The following OR1D2 variants were observed in gnomAD, a reference collection of about 807,000 sequenced individuals.
OR1D2 encodes the protein olfactory receptor 1D2.
For missense variants in OR1D2, 357 were observed against 376.1 expected, an observed-to-expected ratio of 0.95 and a Z score of 0.42; for synonymous variants, 157 against 153.9, an observed-to-expected ratio of 1.02 and a Z score of -0.15.
rs763258056 is a variant in OR1D2, at chr17:3,092,792, T to C, written c.205A>G (p.Thr69Ala). The change falls in exon 2 of 2, where the codon ACT becomes GCT. Residue 69 changes from threonine (T) to alanine (A), a missense_variant. Coordinates refer to ENST00000641833, the MANE Select transcript of OR1D2 (RefSeq NM_002548.3). ...GTGTTGGTGACAAAGAAGAGGTCAG[T>C]GAAGGAGAGGTTGGCCAGGAAGAAG... ...VYFFLANLSF[T>A]DLFFVTNTIP... 1 of 1,613,812 alleles carries C rather than the reference T, an allele frequency of 6.2e-7. No homozygotes were observed. Among genetic ancestry groups the C allele is most frequent in the Admixed American group, 1.7e-5 (1 of 59,984 alleles).
At position 3,091,291 on chromosome 17, in the gene OR1D2, A is replaced by G. The variant is rs1329634707; in HGVS notation, c.*767T>C. On this transcript the variant is annotated 3_prime_UTR_variant, in exon 2 of 2. Coordinates refer to ENST00000641833, the MANE Select transcript of OR1D2 (RefSeq NM_002548.3). ...TCTTTTACCTGATGTCATTGCAGCAATATTTCACTTAAAATATTTAGTATT... is the reference window on the plus strand; with the variant it reads ...TCTTTTACCTGATGTCATTGCAGCAGTATTTCACTTAAAATATTTAGTATT... 1 of 152,204 alleles carries G rather than the reference A, an allele frequency of 6.6e-6. No homozygotes were observed. Among genetic ancestry groups the G allele is most frequent in the Non-Finnish European group, 1.5e-5 (1 of 68,036 alleles). 9.4% of individuals were successfully genotyped at this position (152,204 alleles called of 1,614,324 possible).
chr17:3,097,745 T>C (rs147494488), intron 1 of OR1D2, among the ~76,000 whole-genome samples: 1 of 152,270 alleles, frequency 6.6e-6, no homozygotes, highest in African/African-American at 2.4e-5. Flanking sequence ...GCACCCAACA[T>C]TGGGACTGAT....
At chr17:3,099,802 A>G (rs1018301084) in intron 1 of OR1D2, among the ~76,000 whole-genome samples, 4 of 152,204 alleles carry the variant, frequency 2.6e-5, no homozygotes, top group African/African-American at 9.7e-5. Context: ...AGACACACAT[A>G]GGCTCAAAAT....
intron 1 of OR1D2, among the ~76,000 whole-genome samples, chr17:3,101,399 TA>T (rs2047874361): frequency 6.6e-6 from 1 of 150,832 alleles, no homozygotes; most frequent in Non-Finnish European, 1.5e-5. Context: ...ATCCATTACA[TA>T]AAGAAAACCA....
At chr17:3,103,317 G>A (rs899406001) in intron 1 of OR1D2, among the ~76,000 whole-genome samples, 2 of 151,746 alleles carry the variant, frequency 1.3e-5, no homozygotes, top group Non-Finnish European at 2.9e-5. Context: ...CTCGGCTCAC[G>A]GCAATCTCCA....
At chr17:3,098,583 C>T (rs1489110892) in intron 1 of OR1D2, among the ~76,000 whole-genome samples, 2 of 152,144 alleles carry the variant, frequency 1.3e-5, no homozygotes, top group Non-Finnish European at 2.9e-5. Flanking sequence ...ACAACAACAA[C>T]AAATGCTGAA....
chr17:3,092,238 C>G lies in OR1D2; in HGVS notation c.759G>C (p.Gly253=), dbSNP rs763867615. 1.9e-6 allele frequency: 3 copies of G among 1,614,118 alleles called. No homozygotes were observed. Among genetic ancestry groups the G allele is most frequent in the Non-Finnish European group, 1.7e-6 (2 of 1,180,010 alleles). Residue 253 remains glycine, a synonymous_variant, in exon 2 of 2, where the codon GGG becomes GGC. Transcript: ENST00000641833. The part of the protein sequence containing the change: ...SHLGAVSLFY[G]TLCMVYLKPL... ...GCTTTAGGTATACCATACAAAGTGTCCCATAGAAGAGGGAGACTGCACCCA... is the reference window on the plus strand; with the variant it reads ...GCTTTAGGTATACCATACAAAGTGTGCCATAGAAGAGGGAGACTGCACCCA...
At chr17:3,098,181 G>A (rs530081014) in intron 1 of OR1D2, among the ~76,000 whole-genome samples, 5 of 152,288 alleles carry the variant, frequency 3.3e-5, no homozygotes, top group East Asian at 1.9e-4. Flanking sequence ...AAAGTGCTTC[G>A]TTAAACGGAT....
chr17:3,092,653 A>G lies in OR1D2; in HGVS notation c.344T>C (p.Leu115Pro), dbSNP rs373549110. The G allele has an allele frequency of 8.7e-6, 14 of 1,614,182 alleles. No individual in the cohort carries two copies. In the African/African-American group the frequency reaches 1.5e-4, roughly 17 times the overall value. Residue 115 changes from leucine (L) to proline (P), a missense_variant, in exon 2 of 2, where the codon CTG (leucine) becomes CCG (proline). Physicochemically the swap from Leu to Pro is moderately conservative, Grantham distance 98 (BLOSUM62 -3). Coordinates refer to ENST00000641833, the MANE Select transcript of OR1D2 (RefSeq NM_002548.3). ...VSLVALDNLI[L>P]AVMAYDRYVA... ...ATAGCGGTCATATGCCATCACAGCC[A>G]GGATGAGGTTGTCCAGGGCCACCAA...
At chr17:3,096,619 A>T (rs117453874) in intron 1 of OR1D2, among the ~76,000 whole-genome samples, 1,705 of 152,342 alleles carry the variant, frequency 0.011, 20 homozygotes, top group South Asian at 0.026. Context: ...TAAGTCAAAA[A>T]GTCTGACTAG....
intron 1 of OR1D2, among the ~76,000 whole-genome samples, chr17:3,094,063 ATGT>A (rs1406224178): frequency 1.3e-5 from 2 of 152,212 alleles, no homozygotes; most frequent in African/African-American, 2.4e-5. Context: ...TATGATAGTA[ATGT>A]TGGAATGAAC....
intron 1 of OR1D2, among the ~76,000 whole-genome samples, chr17:3,101,507 T>C (rs1375007046): frequency 6.6e-6 from 1 of 152,180 alleles, no homozygotes; most frequent in African/African-American, 2.4e-5. Flanking sequence ...AAACTAGGTA[T>C]TGATGGAACG....
At chr17:3,100,158 T>C (rs2047868142) in intron 1 of OR1D2, among the ~76,000 whole-genome samples, 1 of 152,176 alleles carries the variant, frequency 6.6e-6, no homozygotes, top group African/African-American at 2.4e-5. Flanking sequence ...TATTCAGGAC[T>C]TGAACTCAGC....
At chr17:3,103,708 G>A (rs983465328) in intron 1 of OR1D2, among the ~76,000 whole-genome samples, 2 of 152,124 alleles carry the variant, frequency 1.3e-5, no homozygotes, top group African/African-American at 4.8e-5. Context: ...TTGCTGGGGT[G>A]TGAGGGGGGA....
chr17:3,095,728 CTTAT>C lies in OR1D2; in HGVS notation c.-50-2686_-50-2683del, dbSNP rs979548141. On this transcript the variant is annotated intron_variant, in intron 1 of 1. Transcript: ENST00000641833. ...CATATTTTCTTGTTTTTTCTTATAACTTATTTAAACACCATTTATGTAAGATAAT... is the reference window on the plus strand; with the variant it reads ...CATATTTTCTTGTTTTTTCTTATAACTTAAACACCATTTATGTAAGATAAT... Among the ~76,000 whole-genome samples the C allele has an allele frequency of 5.3e-4, 80 of 151,436 alleles. 1 individual carries two copies. In the Middle Eastern group the frequency reaches 0.017, roughly 32 times the overall value.
intron 1 of OR1D2, among the ~76,000 whole-genome samples, chr17:3,095,134 T>A (rs1361038380): frequency 6.6e-6 from 1 of 151,926 alleles, no homozygotes; most frequent in Admixed American, 6.6e-5. Flanking sequence ...TAAATTTGTT[T>A]AAAAAACTAC....
intron 1 of OR1D2, among the ~76,000 whole-genome samples, chr17:3,100,738 G>T (rs758846455): frequency 2.0e-5 from 3 of 152,120 alleles, no homozygotes; most frequent in Admixed American, 6.5e-5. Flanking sequence ...ACAAAAGCTG[G>T]TTTTTTGAAA....
Position 3,092,386 on chromosome 17 carries a change from C to G in OR1D2, c.611G>C (p.Cys204Ser). 1 of 1,614,194 alleles carries G rather than the reference C, an allele frequency of 6.2e-7. No homozygotes were observed. Among genetic ancestry groups the G allele is most frequent in the Non-Finnish European group, 8.5e-7 (1 of 1,180,034 alleles). ...INHTVLIATG[C>S]FIFLIPFGFV... ...TCCAAAGGGAATGAGGAAGATGAAG[C>G]AGCCTGTGGCAATCAGCACTGTGTG... The change falls in exon 2 of 2, where the codon TGC (cysteine) becomes TCC (serine). Residue 204 changes from cysteine to serine, a missense_variant. Coordinates refer to ENST00000641833, the MANE Select transcript of OR1D2 (RefSeq NM_002548.3).
chr17:3,099,294 T>G (rs1174621133), intron 1 of OR1D2, among the ~76,000 whole-genome samples: 3 of 152,072 alleles, frequency 2.0e-5, no homozygotes, highest in African/African-American at 4.8e-5. Context: ...TCAGGTCACC[T>G]ACAAAGGTGA....
Sources: allele counts gnomAD v4.1 joint callset (sites outside exome capture counted in the v4.1 genomes callset), GRCh38; gene constraint gnomAD v4.1.1; transcripts MANE v1.5; gene names NCBI Gene and HGNC (gene_info 2026-07-23, HGNC 2026-07-21).